LYN: variants seen among roughly 807,000 people sequenced by gnomAD.
LYN encodes the protein LYN proto-oncogene, Src family tyrosine kinase.
LYN carries 12 observed loss-of-function variants against 65.0 expected under a neutral mutation model. The observed-to-expected ratio is 0.18, with a 90% CI of 0.12 to 0.30. The LOEUF is 0.30. Ranked by LOEUF, LYN falls within the 10% of genes least tolerant of loss-of-function variation. The pLI is 1.00. For missense variants in LYN, 380 were observed against 623.2 expected, an observed-to-expected ratio of 0.61 and a Z score of 4.16; for synonymous variants, 222 against 221.2, an observed-to-expected ratio of 1.00 and a Z score of -0.03.
intron 4 of LYN, among the ~76,000 whole-genome samples, chr8:55,949,455 G>A (rs1585629846): frequency 6.6e-6 from 1 of 152,122 alleles, no homozygotes; most frequent in South Asian, 2.1e-4. Context: ...TGGATTCTGG[G>A]GTTCCAGAGA....
At chr8:55,891,878 C>G (rs1278933964) in intron 1 of LYN, among the ~76,000 whole-genome samples, 2 of 152,102 alleles carry the variant, frequency 1.3e-5, no homozygotes, top group Non-Finnish European at 2.9e-5. Context: ...AGAGAGAGGA[C>G]AGGATCTTTA....
chr8:55,917,907 T>A (rs192024410), intron 1 of LYN, among the ~76,000 whole-genome samples: 2 of 152,388 alleles, frequency 1.3e-5, no homozygotes, highest in Non-Finnish European at 2.9e-5. Flanking sequence ...TTAAACTTAA[T>A]GACATGTTGT....
chr8:56,004,597 A>G (rs1048333800), intron 12 of LYN, among the ~76,000 whole-genome samples: 1 of 152,060 alleles, frequency 6.6e-6, no homozygotes, highest in Non-Finnish European at 1.5e-5. Flanking sequence ...TGCAGCCACA[A>G]AAAGACTTCC....
Position 55,969,738 on chromosome 8 carries a change from A to T in LYN, c.995A>T (p.Lys332Met). The T allele has an allele frequency of 6.2e-7, 1 of 1,614,146 alleles. No individual in the cohort carries two copies. ...ATAGGCAGTTTGCTGGATTTCCTGA[A>T]GAGCGATGAAGGTGGCAAAGTGCTG... ...MAKGSLLDFL[K>M]SDEGGKVLLP... The change falls in exon 10 of 13, where the codon AAG (lysine) becomes ATG (methionine). Residue 332 changes from lysine to methionine, a missense_variant. Transcript: ENST00000519728.
At chr8:55,951,234 G>A (rs985083363) in intron 6 of LYN, among the ~76,000 whole-genome samples, 1 of 151,456 alleles carries the variant, frequency 6.6e-6, no homozygotes, top group Non-Finnish European at 1.5e-5. Context: ...GTGACAGAGT[G>A]AGGCACTGTC....
intron 1 of LYN, among the ~76,000 whole-genome samples, chr8:55,919,550 A>G (rs747410952): frequency 1.3e-5 from 2 of 152,206 alleles, no homozygotes; most frequent in Non-Finnish European, 2.9e-5. Flanking sequence ...GAAAGAATCT[A>G]TAATCCTTTT....
intron 10 of LYN, among the ~76,000 whole-genome samples, chr8:55,994,944 A>G (rs1808336640): frequency 6.6e-6 from 1 of 152,102 alleles, no homozygotes; most frequent in African/African-American, 2.4e-5. Flanking sequence ...CTGTGTTATA[A>G]TCGTACACTC....
rs779740200 is a variant in LYN at position 56,010,083 on chromosome 8, G to A, written c.1512G>A (p.Thr504=). ...TCCTGGATGATTTCTACACAGCCAC[G>A]GAAGGGCAATACCAGCAGCAGCCTT... ...QSVLDDFYTA[T]EGQYQQQP is the part of the protein sequence containing the mutation. The change falls in exon 13 of 13, where the codon ACG becomes ACA. Residue 504 remains threonine (T), a synonymous_variant. Coordinates refer to ENST00000519728, the MANE Select transcript of LYN (RefSeq NM_002350.4). 3.1e-6 allele frequency: 5 copies of A among 1,614,126 alleles called. No individual in the cohort carries two copies. Among genetic ancestry groups the A allele is most frequent in the East Asian group, 4.5e-5 (2 of 44,880 alleles).
intron 1 of LYN, among the ~76,000 whole-genome samples, chr8:55,884,216 T>C (rs1804725399): frequency 6.6e-6 from 1 of 152,154 alleles, no homozygotes; most frequent in South Asian, 2.1e-4. Context: ...CCTCCCTGCC[T>C]CAGCCTTCTG....
intron 1 of LYN, among the ~76,000 whole-genome samples, chr8:55,913,409 G>T (rs1363820364): frequency 1.3e-5 from 2 of 152,100 alleles, no homozygotes; most frequent in Non-Finnish European, 2.9e-5. Context: ...CTACTGCAGG[G>T]CCCAAGAATC....
At chr8:55,951,879 G>C (rs1310087636) in intron 6 of LYN, 87 bp from the exon 7 acceptor site, 5 of 1,018,662 alleles carry the variant, frequency 4.9e-6, no homozygotes, top group Non-Finnish European at 7.3e-6. Context: ...TTGCATATTT[G>C]TATCACAAAA....
chr8:55,906,062 T>C (rs550387593), intron 1 of LYN, among the ~76,000 whole-genome samples: 2 of 152,364 alleles, frequency 1.3e-5, no homozygotes, highest in South Asian at 4.1e-4. Flanking sequence ...TCATCTGATA[T>C]GTGCAGTTAC....
chr8:56,002,052 A>G (rs1424011443), intron 12 of LYN, among the ~76,000 whole-genome samples: 6 of 152,122 alleles, frequency 3.9e-5, no homozygotes, highest in African/African-American at 1.4e-4. Flanking sequence ...AGGCTGAGGC[A>G]GGTGGATCAC....
intron 1 of LYN, among the ~76,000 whole-genome samples, chr8:55,929,378 T>C (rs1806197407): frequency 1.3e-5 from 2 of 152,214 alleles, no homozygotes; most frequent in Admixed American, 1.3e-4. Flanking sequence ...CTGGATCTGT[T>C]TCAACAGCTA....
At chr8:55,908,411 A>C (rs1805492889) in intron 1 of LYN, among the ~76,000 whole-genome samples, 1 of 151,376 alleles carries the variant, frequency 6.6e-6, no homozygotes, top group Non-Finnish European at 1.5e-5. Context: ...CGACCTGCTA[A>C]TTTTTGTATT....
chr8:55,950,358 T>A, intron 4 of LYN, 101 bp from the exon 5 acceptor site: 1 of 771,146 alleles, frequency 1.3e-6, no homozygotes, highest in Non-Finnish European at 2.1e-6. Flanking sequence ...ATATGTAATA[T>A]CTGTACATAA....
chr8:55,946,973 T>C (rs1290692905), intron 3 of LYN, among the ~76,000 whole-genome samples: 1 of 152,192 alleles, frequency 6.6e-6, no homozygotes, highest in Non-Finnish European at 1.5e-5. Flanking sequence ...CCTGGCCGGG[T>C]GCAGTGGCTC....
chr8:55,984,859 C>T (rs1409229352), intron 10 of LYN, among the ~76,000 whole-genome samples: 1 of 152,244 alleles, frequency 6.6e-6, no homozygotes, highest in Non-Finnish European at 1.5e-5. Flanking sequence ...TCAGAAGTTA[C>T]TCCTTTTCAT....
At chr8:55,903,501 A>G (rs1221227950) in intron 1 of LYN, among the ~76,000 whole-genome samples, 1 of 152,190 alleles carries the variant, frequency 6.6e-6, no homozygotes, top group Non-Finnish European at 1.5e-5. Flanking sequence ...TTTGATTACC[A>G]ACTTTTCATG....
Sources: allele counts gnomAD v4.1 joint callset (sites outside exome capture counted in the v4.1 genomes callset), GRCh38; gene constraint gnomAD v4.1.1; transcripts MANE v1.5; gene names NCBI Gene and HGNC (gene_info 2026-07-23, HGNC 2026-07-21).